The following EDA variants were observed in gnomAD, a reference collection of about 807,000 sequenced individuals.
EDA encodes ectodysplasin-A.
Under a neutral mutation model 23.6 loss-of-function variants are expected in EDA, and 2 were observed. The observed-to-expected ratio is 0.08, with a 90% CI of 0.03 to 0.27. The LOEUF (loss-of-function observed/expected upper bound fraction) is 0.27, where lower values mean the gene tolerates loss of function less well. Among genes scored for constraint, EDA ranks in the 10% least tolerant of loss-of-function variants. The pLI is 1.00. For synonymous variants in EDA, 131 were observed against 132.0 expected (o/e 0.99, Z 0.05); for missense variants, 229 against 324.2 (o/e 0.71, Z 2.26).
At chrX:69,720,728 A>G (rs185968264) in intron 1 of EDA, among the ~76,000 whole-genome samples, 166 of 112,224 alleles carry the variant, frequency 1.5e-3, no homozygotes, top group Non-Finnish European at 2.5e-3. Flanking sequence ...AATAATTTCT[A>G]TTTCTTTGCT....
intron 1 of EDA, chrX:69,620,585 A>C (rs928566626): frequency 7.5e-5 from 11 of 147,463 alleles, no homozygotes; most frequent in Admixed American, 7.3e-4. Context: ...TGTGGGTTTG[A>C]ATACAGAACT....
chrX:69,725,127 G>A (rs888598480), intron 1 of EDA, among the ~76,000 whole-genome samples: 1 of 111,882 alleles, frequency 8.9e-6, no homozygotes, highest in Non-Finnish European at 1.9e-5. Flanking sequence ...CCACAGATCT[G>A]ACTGAACGTG....
At chrX:69,667,846 A>G (rs1451651790) in intron 1 of EDA, among the ~76,000 whole-genome samples, 2 of 112,426 alleles carry the variant, frequency 1.8e-5, no homozygotes, top group East Asian at 2.8e-4. Context: ...GTGTCACTCC[A>G]TGGCAGAAGG....
At chrX:69,656,321 A>G (rs1157412539) in intron 1 of EDA, among the ~76,000 whole-genome samples, 1 of 111,540 alleles carries the variant, frequency 9.0e-6, no homozygotes, top group Admixed American at 9.6e-5. Context: ...CCTGCAATGC[A>G]TATACCATCA....
intron 1 of EDA, among the ~76,000 whole-genome samples, chrX:69,656,509 T>C (rs1324258517): frequency 8.9e-6 from 1 of 111,972 alleles, no homozygotes; most frequent in Non-Finnish European, 1.9e-5. Context: ...TGCATGCATT[T>C]ATGTATTTTA....
At chrX:69,863,639 G>A (rs770009619) in intron 1 of EDA, among the ~76,000 whole-genome samples, 2 of 68,689 alleles carry the variant, frequency 2.9e-5, no homozygotes, top group East Asian at 3.4e-4. Flanking sequence ...ATGTGTGTGT[G>A]TATATATGTA....
At chrX:69,816,503 C>T (rs1337795154) in intron 1 of EDA, among the ~76,000 whole-genome samples, 1 of 111,722 alleles carries the variant, frequency 9.0e-6, no homozygotes, top group Non-Finnish European at 1.9e-5. Context: ...AGGAACATAA[C>T]TGAGCTGATG....
chrX:70,000,204 A>G (rs1176414024), intron 2 of EDA, among the ~76,000 whole-genome samples: 5 of 112,436 alleles, frequency 4.4e-5, no homozygotes, highest in Non-Finnish European at 7.5e-5. Context: ...CTGATGTTCA[A>G]CATTATTCTT....
chrX:69,987,075 G>A (rs865844844), intron 2 of EDA, among the ~76,000 whole-genome samples: 141 of 77,967 alleles, frequency 1.8e-3, no homozygotes, highest in African/African-American at 6.6e-3. Flanking sequence ...ATTGAACAAT[G>A]AGATCACATG....
chrX:69,699,275 C>T (rs903520862), intron 1 of EDA, among the ~76,000 whole-genome samples: 6 of 111,330 alleles, frequency 5.4e-5, no homozygotes, highest in African/African-American at 2.0e-4. Context: ...GAAGCACCCT[C>T]CCTTGACATA....
intron 1 of EDA, among the ~76,000 whole-genome samples, chrX:69,710,310 T>C (rs2011934361): frequency 9.0e-6 from 1 of 110,679 alleles, no homozygotes; most frequent in Non-Finnish European, 1.9e-5. Flanking sequence ...TAGTTGTAGA[T>C]ATGCGGCATT....
chrX:69,705,475 T>C (rs2804329), intron 1 of EDA, among the ~76,000 whole-genome samples: 37,244 of 110,871 alleles, frequency 0.34, 5,248 homozygotes, highest in Middle Eastern at 0.56. Context: ...TCTGAAGATA[T>C]CTCTTTTCTT....
chrX:69,882,523 C>T (rs913216461), intron 1 of EDA, among the ~76,000 whole-genome samples: 2 of 111,587 alleles, frequency 1.8e-5, no homozygotes, highest in Admixed American at 1.9e-4. Context: ...AATTGAAGTT[C>T]CATTTTATGA....
chrX:69,628,550 G>T (rs1932465374), intron 1 of EDA, among the ~76,000 whole-genome samples: 1 of 111,243 alleles, frequency 9.0e-6, no homozygotes, highest in African/African-American at 3.3e-5. Context: ...AAATCCTTTG[G>T]TGCAGCTTGT....
At chrX:69,939,219 C>T (rs916136238) in intron 1 of EDA, among the ~76,000 whole-genome samples, 16 of 111,619 alleles carry the variant, frequency 1.4e-4, no homozygotes, top group Non-Finnish European at 2.4e-4. Context: ...TTTTCTAATC[C>T]ATGAACATGG....
At chrX:69,947,575 A>C (rs1399119739) in intron 1 of EDA, among the ~76,000 whole-genome samples, 1 of 112,045 alleles carries the variant, frequency 8.9e-6, no homozygotes, top group Admixed American at 9.5e-5. Flanking sequence ...ACCATACCAA[A>C]GATGCTTTGG....
intron 1 of EDA, among the ~76,000 whole-genome samples, chrX:69,669,619 A>G (rs751105972): frequency 9.0e-6 from 1 of 111,348 alleles, no homozygotes; most frequent in East Asian, 2.8e-4. Context: ...GGTATTTTTA[A>G]CAACATTATA....
chrX:69,839,930 AG>A (rs1311137256), intron 1 of EDA, among the ~76,000 whole-genome samples: 1 of 112,495 alleles, frequency 8.9e-6, no homozygotes, highest in African/African-American at 3.2e-5. Flanking sequence ...TGAAAAAAGA[AG>A]GGGGATGTGA....
intron 1 of EDA, among the ~76,000 whole-genome samples, chrX:69,794,165 C>T (rs952057586): frequency 3.6e-5 from 4 of 109,991 alleles, no homozygotes; most frequent in African/African-American, 1.3e-4. Context: ...CATTAAAAAA[C>T]AGGGTATATT....
Sources: gnomAD v4.1 joint callset for allele counts (sites outside exome capture counted in the v4.1 genomes callset) on GRCh38, gnomAD v4.1.1 for gene constraint, MANE v1.5 for transcripts, NCBI Gene and HGNC (gene_info 2026-07-23, HGNC 2026-07-21) for gene names.